The following CDH13 variants were observed in gnomAD, a reference collection of about 807,000 sequenced individuals.
The protein encoded by CDH13 is cadherin 13.
Under a neutral mutation model 63.8 loss-of-function variants are expected in CDH13, and 24 were observed. The ratio of observed to expected loss-of-function variants is 0.38; its 90% CI spans 0.27 to 0.53. CDH13 has a LOEUF of 0.53. Ranked by LOEUF, CDH13 falls within the 20% of genes least tolerant of loss-of-function variation. The pLI is 0.85. For missense variants in CDH13, 1,049 were observed against 903.1 expected (o/e 1.16, Z -2.07); for synonymous variants, 503 against 355.3 (o/e 1.42, Z -4.67).
At chr16:83,002,196 C>T (rs1403233541) in intron 2 of CDH13, among the ~76,000 whole-genome samples, 1 of 152,188 alleles carries the variant, frequency 6.6e-6, no homozygotes, top group African/African-American at 2.4e-5. Context: ...AGTTAAGAAT[C>T]TGATAATGAG....
intron 4 of CDH13, among the ~76,000 whole-genome samples, chr16:83,171,016 G>T (rs1301031126): frequency 1.3e-5 from 2 of 152,100 alleles, no homozygotes; most frequent in African/African-American, 4.8e-5. Context: ...GAGGGAAGCT[G>T]TATTAGGCCA....
intron 8 of CDH13, among the ~76,000 whole-genome samples, chr16:83,620,866 T>A (rs1364389849): frequency 1.3e-5 from 2 of 152,176 alleles, no homozygotes; most frequent in Non-Finnish European, 2.9e-5. Context: ...GTCGTGAGTT[T>A]CTGTGAAAAG....
intron 7 of CDH13, among the ~76,000 whole-genome samples, chr16:83,582,801 C>A (rs1400634065): frequency 6.6e-6 from 1 of 152,186 alleles, no homozygotes; most frequent in Non-Finnish European, 1.5e-5. Flanking sequence ...GGACCTTAAG[C>A]AGAGTCCGAT....
intron 1 of CDH13, among the ~76,000 whole-genome samples, chr16:82,688,622 T>G (rs1915324676): frequency 6.6e-6 from 1 of 152,234 alleles, no homozygotes; most frequent in South Asian, 2.1e-4. Flanking sequence ...GACATGCTTC[T>G]TTTGAACCAT....
At chr16:83,734,918 C>T (rs993281161) in intron 10 of CDH13, among the ~76,000 whole-genome samples, 3 of 150,186 alleles carry the variant, frequency 2.0e-5, no homozygotes, top group African/African-American at 7.4e-5. Flanking sequence ...TGATGGTTGG[C>T]TTCTTGAGAA....
intron 2 of CDH13, among the ~76,000 whole-genome samples, chr16:82,893,303 A>G (rs1360193654): frequency 2.0e-5 from 3 of 152,258 alleles, no homozygotes; most frequent in Admixed American, 6.5e-5. Context: ...AATAGGAGAA[A>G]TCCAAAAATA....
intron 3 of CDH13, among the ~76,000 whole-genome samples, chr16:83,061,200 G>A (rs2031519204): frequency 1.3e-5 from 2 of 152,162 alleles, no homozygotes; most frequent in Non-Finnish European, 2.9e-5. Flanking sequence ...TCCTGGTCTA[G>A]TGTAATGTCA....
intron 3 of CDH13, among the ~76,000 whole-genome samples, chr16:83,058,174 C>T (rs1435153748): frequency 6.6e-6 from 1 of 152,020 alleles, no homozygotes; most frequent in African/African-American, 2.4e-5. Context: ...TTTTATCGGG[C>T]TTGGGGTGTG....
chr16:83,009,594 C>G (rs2031482875), intron 2 of CDH13, among the ~76,000 whole-genome samples: 1 of 152,142 alleles, frequency 6.6e-6, no homozygotes, highest in African/African-American at 2.4e-5. Flanking sequence ...CATCTGAACC[C>G]AGGACCACTC....
intron 2 of CDH13, among the ~76,000 whole-genome samples, chr16:83,000,342 A>G (rs1161595327): frequency 7.6e-6 from 1 of 131,970 alleles, no homozygotes; most frequent in East Asian, 2.4e-4. Flanking sequence ...TCCACCTCCC[A>G]GGTTCAAGCA....
chr16:83,130,905 A>G (rs548865118), intron 4 of CDH13, among the ~76,000 whole-genome samples: 3 of 152,356 alleles, frequency 2.0e-5, no homozygotes, highest in African/African-American at 4.8e-5. Context: ...GTGGCAAGTT[A>G]GCCCTTGGTG....
At chr16:82,897,381 A>G (rs901355605) in intron 2 of CDH13, among the ~76,000 whole-genome samples, 2 of 152,182 alleles carry the variant, frequency 1.3e-5, no homozygotes, top group Non-Finnish European at 2.9e-5. Flanking sequence ...ATGAATGAAT[A>G]ATGAATAAAT....
Position 83,217,360 on chromosome 16 carries a change from A to G in CDH13, c.499A>G (p.Arg167Gly), listed in dbSNP as rs770938833. Residue 167 changes from arginine to glycine, a missense_variant, in exon 5 of 14, where the codon AGG becomes GGG. Transcript: ENST00000567109. ...TTCTGACTAGGTAGTCGATAGTGAC[A>G]GGCCAGAAAGGTCCAAGTTCCGGCT... ...RDVGKVVDSD[R>G]PERSKFRLTG... 3 of 1,613,820 alleles carry G rather than the reference A, an allele frequency of 1.9e-6. No individual in the cohort carries two copies. The highest frequency in any genetic ancestry group is 2.5e-6 in the Non-Finnish European group (3 of 1,179,840).
chr16:83,143,853 C>A (rs1377316668), intron 4 of CDH13, among the ~76,000 whole-genome samples: 1 of 151,990 alleles, frequency 6.6e-6, no homozygotes, highest in Non-Finnish European at 1.5e-5. Flanking sequence ...ATAAACTAAT[C>A]CTTGGAATTT....
intron 2 of CDH13, among the ~76,000 whole-genome samples, chr16:82,893,462 C>G (rs8052174): frequency 0.78 from 118,734 of 152,236 alleles, 46,469 homozygotes; most frequent in East Asian, 0.87. Context: ...CATTGTTAAT[C>G]TACAAGTGTG....
intron 2 of CDH13, among the ~76,000 whole-genome samples, chr16:82,937,840 G>T (rs1275992606): frequency 3.3e-5 from 5 of 152,224 alleles, no homozygotes; most frequent in South Asian, 2.1e-4. Context: ...TATCACATTT[G>T]TTTTTTAAAT....
intron 2 of CDH13, among the ~76,000 whole-genome samples, chr16:82,913,273 G>T (rs780005854): frequency 6.6e-6 from 1 of 152,114 alleles, no homozygotes. Context: ...AGAGGGAAAC[G>T]TTCGATGCTG....
chr16:83,203,617 G>A (rs1265902243), intron 4 of CDH13, among the ~76,000 whole-genome samples: 2 of 136,282 alleles, frequency 1.5e-5, no homozygotes, highest in African/African-American at 5.5e-5. Context: ...AACCCGGGAG[G>A]CGCCACTGCA....
At chr16:82,801,397 A>T (rs2036846706) in intron 1 of CDH13, among the ~76,000 whole-genome samples, 1 of 152,194 alleles carries the variant, frequency 6.6e-6, no homozygotes, top group South Asian at 2.1e-4. Flanking sequence ...AAGGAAAAAT[A>T]CTCAGTCTAA....
Sources: allele counts gnomAD v4.1 joint callset (sites outside exome capture counted in the v4.1 genomes callset), GRCh38; gene constraint gnomAD v4.1.1; transcripts MANE v1.5; gene names NCBI Gene and HGNC (gene_info 2026-07-23, HGNC 2026-07-21).